The following ACOT12 variants were observed in gnomAD, a reference collection of about 807,000 sequenced individuals.
The protein encoded by ACOT12 is acyl-CoA thioesterase 12.
ACOT12 carries 51 observed loss-of-function variants against 67.7 expected under a neutral mutation model. That is an observed-to-expected ratio of 0.75 (90% CI 0.60 to 0.95). The LOEUF is 0.95. Among genes scored for constraint, ACOT12 ranks in the 40% least tolerant of loss-of-function variants. The pLI is 0.00. For synonymous variants in ACOT12, 251 were observed against 244.6 expected (o/e 1.03, Z -0.24); for missense variants, 734 against 708.1 (o/e 1.04, Z -0.41).
At chr5:81,380,250 G>C (rs753097100) in intron 2 of ACOT12, among the ~76,000 whole-genome samples, 24 of 152,036 alleles carry the variant, frequency 1.6e-4, no homozygotes, top group Non-Finnish European at 3.1e-4. Context: ...CTTTGACTCA[G>C]CAATCCTATT....
Position 81,359,953 on chromosome 5 carries a change from T to G in ACOT12, c.446A>C (p.Gln149Pro). Reference sequence around the variant, plus strand: ...TAAATTGTTAAAGGTATCTTCATGTTGTAATCGAACTTTCCTTCTCTCAGC... The same window carrying G: ...TAAATTGTTAAAGGTATCTTCATGTGGTAATCGAACTTTCCTTCTCTCAGC... ...LAAERRKVRL[Q>P]HEDTFNNLMK... The change falls in exon 5 of 15, where the codon CAA (glutamine) becomes CCA (proline). Residue 149 changes from glutamine to proline, a missense_variant. Physicochemically the swap from Gln to Pro is moderately conservative, Grantham distance 76 (BLOSUM62 -1). Transcript: ENST00000307624. The G allele has an allele frequency of 6.2e-7, 1 of 1,612,856 alleles. No individual in the cohort carries two copies. The highest frequency in any genetic ancestry group is 8.5e-7 in the Non-Finnish European group (1 of 1,179,688).
At chr5:81,318,443 G>A in the ACOT12 span, among the ~76,000 whole-genome samples, 1 of 151,934 alleles carries the variant, frequency 6.6e-6, no homozygotes, top group Non-Finnish European at 1.5e-5. Flanking sequence ...CTATAGCTTT[G>A]TACTAAGTTT....
In ACOT12 at chr5:81,354,198, T is replaced by C. The variant is rs142479214; in HGVS notation, c.496+5705A>G. On this transcript the variant is annotated intron_variant, in intron 5 of 14. Coordinates refer to ENST00000307624, the MANE Select transcript of ACOT12 (RefSeq NM_130767.3). The stretch of plus-strand genomic sequence containing the variant: ...ACAAAGCAGATGATAAAAGAAGACT[T>C]TGAGAAAAATCTATAATTTGAAATT... Among the ~76,000 whole-genome samples, 428 of 152,352 alleles carry C rather than the reference T, an allele frequency of 2.8e-3. 2 individuals are homozygous for C. Among genetic ancestry groups the C allele is most frequent in the African/African-American group, 9.9e-3 (412 of 41,592 alleles).
At chr5:81,331,703 T>C (rs1326969706) in intron 13 of ACOT12, among the ~76,000 whole-genome samples, 2 of 152,234 alleles carry the variant, frequency 1.3e-5, no homozygotes, top group Admixed American at 1.3e-4. Context: ...TCTAGACTTT[T>C]TAAAATAAGT....
chr5:81,319,715 CAAAA>C, the ACOT12 span, among the ~76,000 whole-genome samples: 1 of 117,156 alleles, frequency 8.5e-6, no homozygotes, highest in Non-Finnish European at 1.8e-5. Context: ...GAAACTGTCT[CAAAA>C]AAAAAAAAAA....
At chr5:81,309,013 T>A in the ACOT12 span, 1 of 1,612,784 alleles carries the variant, frequency 6.2e-7, no homozygotes, top group South Asian at 1.1e-5. Flanking sequence ...CTTGTCCTGA[T>A]AATCCCAAAG....
At chr5:81,373,759 CAA>C (rs1437047296) in intron 2 of ACOT12, among the ~76,000 whole-genome samples, 1 of 152,164 alleles carries the variant, frequency 6.6e-6, no homozygotes, top group Admixed American at 6.5e-5. Flanking sequence ...CCAGGAAGTT[CAA>C]AGTGAGCAAA....
chr5:81,324,212 A>G, the ACOT12 span, among the ~76,000 whole-genome samples: 1 of 152,174 alleles, frequency 6.6e-6, no homozygotes, highest in African/African-American at 2.4e-5. Context: ...AAGTGCTGAG[A>G]TTACAAGTGT....
At chr5:81,334,387 G>A (rs1185193718) in intron 12 of ACOT12, among the ~76,000 whole-genome samples, 1 of 152,168 alleles carries the variant, frequency 6.6e-6, no homozygotes, top group African/African-American at 2.4e-5. Flanking sequence ...AGATGCTGCC[G>A]TGGGGTCAGA....
the ACOT12 span, among the ~76,000 whole-genome samples, chr5:81,313,471 C>T: frequency 2.9e-3 from 434 of 152,264 alleles, 2 homozygotes; most frequent in African/African-American, 9.5e-3. Context: ...ATTTTGTTCT[C>T]ATGTTTTAGA....
intron 1 of ACOT12, among the ~76,000 whole-genome samples, chr5:81,390,964 C>T (rs117333359): frequency 6.6e-6 from 1 of 152,230 alleles, no homozygotes; most frequent in East Asian, 1.9e-4. Flanking sequence ...ATATCCTAGC[C>T]ATTGTGAGTG....
intron 3 of ACOT12, among the ~76,000 whole-genome samples, chr5:81,364,519 C>T (rs1385672158): frequency 6.6e-6 from 1 of 152,106 alleles, no homozygotes; most frequent in East Asian, 1.9e-4. Flanking sequence ...CCTCCACCTC[C>T]CGGGTTCAAG....
chr5:81,317,518 A>C, the ACOT12 span, among the ~76,000 whole-genome samples: 1 of 147,804 alleles, frequency 6.8e-6, no homozygotes, highest in East Asian at 2.0e-4. Flanking sequence ...AAAAAAAAAA[A>C]GAGGTTTAAT....
At chr5:81,324,268 A>T in the ACOT12 span, among the ~76,000 whole-genome samples, 1 of 152,168 alleles carries the variant, frequency 6.6e-6, no homozygotes, top group Non-Finnish European at 1.5e-5. Context: ...TCCAGATGAG[A>T]GAAGATAGCG....
At chr5:81,309,294 C>A in the ACOT12 span, 1 of 342,944 alleles carries the variant, frequency 2.9e-6, no homozygotes, top group Non-Finnish European at 5.3e-6. Flanking sequence ...GAGACTATGT[C>A]ATACATTTCT....
rs1252608052 is a variant in ACOT12, at chr5:81,330,912, C to T, written c.1420G>A (p.Val474Ile). The change falls in exon 14 of 15, where the codon GTC (valine) becomes ATC (isoleucine). Residue 474 changes from valine (V) to isoleucine (I), a missense_variant. Coordinates refer to ENST00000307624, the MANE Select transcript of ACOT12 (RefSeq NM_130767.3). ...GNTYTVAVKS[V>I]ILPSVPPSPQ... ...GACGGGGGGACCGATGGCAAAATGA[C>T]CGACTTCACTGCCACTGTGTAAGTG... 2 of 1,611,944 alleles carry T rather than the reference C, an allele frequency of 1.2e-6. No individual in the cohort carries two copies. Among genetic ancestry groups the T allele is most frequent in the Non-Finnish European group, 1.7e-6 (2 of 1,179,138 alleles).
At chr5:81,337,410 G>A (rs964578257) in intron 11 of ACOT12, among the ~76,000 whole-genome samples, 1 of 152,150 alleles carries the variant, frequency 6.6e-6, no homozygotes, top group African/African-American at 2.4e-5. Context: ...TTCATATGCT[G>A]TAGCCCCAAC....
chr5:81,332,585 C>G lies in ACOT12; in HGVS notation c.1283G>C (p.Trp428Ser). Residue 428 changes from tryptophan (W) to serine (S), a missense_variant, in exon 13 of 15, where the codon TGG (tryptophan) becomes TCG (serine). Physicochemically the swap from Trp to Ser is radical, Grantham distance 177 (BLOSUM62 -3). Transcript: ENST00000307624. ...ATACAGCTGATCATCTTCACTCACC[C>G]AGTCTATGACTTCACAGGACCTGTG... ...PHFVSCEVID[W>S]VSEDDQLYHI... 6.2e-7 allele frequency: 1 copy of G among 1,614,066 alleles called. No homozygotes were observed. The highest frequency in any genetic ancestry group is 8.5e-7 in the Non-Finnish European group (1 of 1,180,002).
At chr5:81,378,400 C>T (rs1276184061) in intron 2 of ACOT12, among the ~76,000 whole-genome samples, 2 of 152,108 alleles carry the variant, frequency 1.3e-5, no homozygotes, top group Non-Finnish European at 2.9e-5. Flanking sequence ...AAAACCTAGG[C>T]AATACCATTC....
Sources: allele counts gnomAD v4.1 joint callset (sites outside exome capture counted in the v4.1 genomes callset), GRCh38; gene constraint gnomAD v4.1.1; transcripts MANE v1.5; gene names NCBI Gene and HGNC (gene_info 2026-07-23, HGNC 2026-07-21).